The following CRK variants were observed in gnomAD, a reference collection of about 807,000 sequenced individuals.
CRK encodes the protein CRK proto-oncogene, adaptor protein.
Under a neutral mutation model 29.8 loss-of-function variants are expected in CRK, and 4 were observed. The observed-to-expected ratio is 0.13, with a 90% CI of 0.07 to 0.31. The LOEUF (loss-of-function observed/expected upper bound fraction) is 0.31. CRK is among the 10% of genes least tolerant of loss of function. The pLI is 1.00. For missense variants in CRK, 274 were observed against 396.5 expected (o/e 0.69, Z 2.62); for synonymous variants, 153 against 164.9 (o/e 0.93, Z 0.55).
Position 1,433,581 on chromosome 17 carries a change from C to T in CRK, c.777+3039G>A, listed in dbSNP as rs186961930. Among the ~76,000 whole-genome samples the T allele has an allele frequency of 1.8e-3, 246 of 134,076 alleles. 2 individuals are homozygous for T. The highest frequency in any genetic ancestry group is 6.7e-3 in the African/African-American group (237 of 35,216). The allele number at this position is 134,076 out of a possible 152,430, so 88.0% of individuals were successfully genotyped here. A position where few individuals can be genotyped will look rare whatever the true frequency, so the allele number is the denominator to read the frequency against. On this transcript the variant is annotated intron_variant, in intron 2 of 2. Transcript: ENST00000300574. ...TTGCCCAGGCTGAAGTGCTATGGCA[C>T]GATCTCAGCTCACTGAAATCTCTGC...
At position 1,437,177 on chromosome 17, in the gene CRK, G is replaced by T. The variant is rs202210551; in HGVS notation, c.242-22C>A. 12 of 1,564,198 alleles carry T rather than the reference G, an allele frequency of 7.7e-6. No homozygotes were observed. In the Admixed American group the frequency reaches 2.2e-4, roughly 29 times the overall value. Reference sequence around the variant, plus strand: ...ACCCCTGGAAAAAACAGAGCAGGCTGTTATTTAATGATGTACTACACTGGA... The same window carrying T: ...ACCCCTGGAAAAAACAGAGCAGGCTTTTATTTAATGATGTACTACACTGGA... On this transcript the variant is annotated intron_variant, in intron 1 of 2. Transcript: ENST00000300574.
At chr17:1,439,154 G>C (rs1005015397) in intron 1 of CRK, among the ~76,000 whole-genome samples, 1 of 152,120 alleles carries the variant, frequency 6.6e-6, no homozygotes, top group Admixed American at 6.6e-5. Context: ...GGCGTGCAGT[G>C]GCACAATCTC....
At chr17:1,440,383 A>G (rs1180892864) in intron 1 of CRK, among the ~76,000 whole-genome samples, 2 of 151,594 alleles carry the variant, frequency 1.3e-5, no homozygotes, top group African/African-American at 4.9e-5. Context: ...AGATCGCTTG[A>G]GCCTAGGAGT....
intron 2 of CRK, among the ~76,000 whole-genome samples, chr17:1,434,342 G>C (rs995980338): frequency 6.6e-6 from 1 of 152,146 alleles, no homozygotes; most frequent in Admixed American, 6.6e-5. Context: ...ACATCCCACA[G>C]AATCCTGGGA....
At chr17:1,432,813 T>C (rs937920940) in intron 2 of CRK, among the ~76,000 whole-genome samples, 3 of 148,196 alleles carry the variant, frequency 2.0e-5, no homozygotes, top group Non-Finnish European at 3.0e-5. Context: ...ACAAAGACAA[T>C]ATAAGATTGA....
At chr17:1,427,886 G>A (rs1412424141) in intron 2 of CRK, among the ~76,000 whole-genome samples, 2 of 151,816 alleles carry the variant, frequency 1.3e-5, no homozygotes, top group East Asian at 4.0e-4. Context: ...GCCCACCTCG[G>A]CTTCCCAAAG....
At chr17:1,429,387 C>T (rs2073815267) in intron 2 of CRK, among the ~76,000 whole-genome samples, 1 of 151,856 alleles carries the variant, frequency 6.6e-6, no homozygotes, top group African/African-American at 2.4e-5. Flanking sequence ...GAGTCTTGTG[C>T]CTTAGGCTCC....
At chr17:1,446,517 C>T (rs925229344) in intron 1 of CRK, among the ~76,000 whole-genome samples, 2 of 151,080 alleles carry the variant, frequency 1.3e-5, no homozygotes, top group East Asian at 1.9e-4. Flanking sequence ...GATCATCTGG[C>T]GCAAAGGTAG....
intron 2 of CRK, among the ~76,000 whole-genome samples, chr17:1,425,194 A>T (rs962586522): frequency 2.0e-5 from 3 of 151,486 alleles, no homozygotes; most frequent in Non-Finnish European, 2.9e-5. Flanking sequence ...GGTTCACGCC[A>T]TTCTCCTGCC....
At chr17:1,440,681 G>A (rs1342418021) in intron 1 of CRK, among the ~76,000 whole-genome samples, 1 of 152,104 alleles carries the variant, frequency 6.6e-6, no homozygotes, top group Non-Finnish European at 1.5e-5. Flanking sequence ...GGGAGGCCGA[G>A]GCGGGTGGAT....
chr17:1,449,388 AGTTAT>A (rs529495542), intron 1 of CRK, among the ~76,000 whole-genome samples: 1 of 152,238 alleles, frequency 6.6e-6, no homozygotes, highest in South Asian at 2.1e-4. Context: ...CCCACACCTC[AGTTAT>A]GTTATTAAGA....
At chr17:1,446,053 G>C (rs1188180221) in intron 1 of CRK, among the ~76,000 whole-genome samples, 1 of 152,048 alleles carries the variant, frequency 6.6e-6, no homozygotes, top group Non-Finnish European at 1.5e-5. Flanking sequence ...ATGAGCCACC[G>C]CGCCCAGCCA....
intron 1 of CRK, among the ~76,000 whole-genome samples, chr17:1,451,690 G>A (rs943244435): frequency 6.6e-6 from 1 of 151,908 alleles, no homozygotes; most frequent in African/African-American, 2.4e-5. Context: ...AACAGCCACT[G>A]CACTCCAGTT....
rs981195316 is a variant in CRK at position 1,430,849 on chromosome 17, C to T, written c.777+5771G>A. On this transcript the variant is annotated intron_variant, in intron 2 of 2. Transcript: ENST00000300574. ...TTGGGAGGCCGAGGTGGGTGGATCACGAGGTCAGCAGATCGAGACCATCCT... is the reference window on the plus strand; with the variant it reads ...TTGGGAGGCCGAGGTGGGTGGATCATGAGGTCAGCAGATCGAGACCATCCT... 7.4e-4 allele frequency among the ~76,000 whole-genome samples: 112 copies of T among 151,506 alleles called. 1 individual carries two copies. The highest frequency in any genetic ancestry group is 1.4e-3 in the Non-Finnish European group (97 of 67,844).
chr17:1,441,742 G>A (rs892309528), intron 1 of CRK, among the ~76,000 whole-genome samples: 1 of 151,486 alleles, frequency 6.6e-6, no homozygotes, highest in African/African-American at 2.4e-5. Context: ...CATCCACCTC[G>A]GCCTCCCAAA....
intron 1 of CRK, among the ~76,000 whole-genome samples, chr17:1,447,354 A>G (rs2073983316): frequency 1.3e-5 from 2 of 151,840 alleles, no homozygotes; most frequent in Admixed American, 1.3e-4. Flanking sequence ...AGGAAGTCAC[A>G]CAAACGGAAA....
In CRK at chr17:1,456,040, C is replaced by G. The variant is rs1237813058; in HGVS notation, c.78G>C (p.Leu26=). Residue 26 remains leucine, a synonymous_variant, in exon 1 of 3, where the codon CTG becomes CTC. Transcript: ENST00000300574. ...ACACCCCGTGCCGCTGGCCCTGCAGCAGCGCCACCGCCTCCTGCCGACTCA... is the reference window on the plus strand; with the variant it reads ...ACACCCCGTGCCGCTGGCCCTGCAGGAGCGCCACCGCCTCCTGCCGACTCA... ...GRLSRQEAVA[L]LQGQRHGVFL... 1 of 1,594,682 alleles carries G rather than the reference C, an allele frequency of 6.3e-7. No individual in the cohort carries two copies. Among genetic ancestry groups the G allele is most frequent in the African/African-American group, 1.4e-5 (1 of 72,202 alleles).
rs993453070 is a variant in CRK, at chr17:1,423,397, A to G, written c.*116T>C. The G allele has an allele frequency of 1.6e-6, 2 of 1,280,386 alleles. No homozygotes were observed. Among genetic ancestry groups the G allele is most frequent in the East Asian group, 2.4e-5 (1 of 41,360 alleles). The allele number at this position is 1,280,386 out of a possible 1,614,324, so 79.3% of individuals were successfully genotyped here. A position where few individuals can be genotyped will look rare whatever the true frequency, so the allele number is the denominator to read the frequency against. ...CAGTCTAAAAAATATCACAGGTAACAGAATGCTTATATAAACTAGACTGCT... is the reference window on the plus strand; with the variant it reads ...CAGTCTAAAAAATATCACAGGTAACGGAATGCTTATATAAACTAGACTGCT... On this transcript the variant is annotated 3_prime_UTR_variant, in exon 3 of 3. Coordinates refer to ENST00000300574, the MANE Select transcript of CRK (RefSeq NM_016823.4).
intron 2 of CRK, among the ~76,000 whole-genome samples, chr17:1,429,692 C>G (rs1008645448): frequency 6.6e-6 from 1 of 151,714 alleles, no homozygotes; most frequent in East Asian, 1.9e-4. Flanking sequence ...TTGTGAGGCC[C>G]GAGCAGGAGG....
Sources: gnomAD v4.1 joint callset for allele counts (sites outside exome capture counted in the v4.1 genomes callset) on GRCh38, gnomAD v4.1.1 for gene constraint, MANE v1.5 for transcripts, NCBI Gene and HGNC (gene_info 2026-07-23, HGNC 2026-07-21) for gene names.